Variants in SPTBN4 observed in about 807,000 individuals in gnomAD.
SPTBN4 encodes the protein spectrin beta, non-erythrocytic 4.
In SPTBN4, 96 loss-of-function variants were observed where a neutral mutation model predicts 277.8. The ratio of observed to expected loss-of-function variants is 0.35; its 90% CI spans 0.29 to 0.41. The LOEUF (loss-of-function observed/expected upper bound fraction) is 0.41, where lower values mean the gene tolerates loss of function less well. Ranked by LOEUF, SPTBN4 falls within the 10% of genes least tolerant of loss-of-function variation. The pLI is 1.00. For missense variants in SPTBN4, 3,006 were observed against 3,595.7 expected (o/e 0.84, Z 4.19); for synonymous variants, 1,481 against 1,580.3 (o/e 0.94, Z 1.49).
chr19:40,567,428 T>A lies in SPTBN4; in HGVS notation c.6337-235T>A, dbSNP rs980218889. Among the ~76,000 whole-genome samples, 2 of 152,090 alleles carry A rather than the reference T, an allele frequency of 1.3e-5. 1 individual carries two copies. The highest frequency in any genetic ancestry group is 1.3e-4 in the Admixed American group (2 of 15,258). ...ACGCAGAGCAATTGATTTACCCAATTTTTAAAAAAGTGATTTAGCCAATTC... is the reference window on the plus strand; with the variant it reads ...ACGCAGAGCAATTGATTTACCCAATATTTAAAAAAGTGATTTAGCCAATTC... On this transcript the variant is annotated intron_variant, in intron 30 of 35. Coordinates refer to ENST00000598249, the MANE Select transcript of SPTBN4 (RefSeq NM_020971.3).
intron 4 of SPTBN4, among the ~76,000 whole-genome samples, chr19:40,492,692 C>T (rs1039643796): frequency 6.6e-6 from 1 of 152,082 alleles, no homozygotes; most frequent in Admixed American, 6.6e-5. Context: ...AGGCAGGAGA[C>T]GGCAGTGCCT....
In SPTBN4 at chr19:40,502,839, G is replaced by C. The variant is rs773469412; in HGVS notation, c.1268G>C (p.Arg423Pro). ...GCTGCCCTACGGGCTGAGCTGATTC[G>C]GCAGGAGAAGCTGGAACTACTGGCA... Reference protein sequence around the residue: ...REAALRAELIRQEKLELLAQR... With the variant: ...REAALRAELIPQEKLELLAQR... The change falls in exon 11 of 36, where the codon CGG becomes CCG. Residue 423 changes from arginine to proline, a missense_variant. By Grantham distance (103) the Arg-to-Pro change is moderately radical. Transcript: ENST00000598249. This position sits in a 1 kb window ranked among gnomAD's most constrained non-coding sequence, Gnocchi z 4.9. 6.2e-7 allele frequency: 1 copy of C among 1,613,774 alleles called. No homozygotes were observed.
chr19:40,547,689 CTGT>C (rs1033647846), intron 20 of SPTBN4, among the ~76,000 whole-genome samples: 29 of 152,332 alleles, frequency 1.9e-4, no homozygotes, highest in African/African-American at 6.7e-4. Context: ...TCTCCAGCAT[CTGT>C]TGTTTCCTGA....
chr19:40,497,072 CAAAAAAAA>C, intron 6 of SPTBN4, among the ~76,000 whole-genome samples: 1 of 59,612 alleles, frequency 1.7e-5, no homozygotes. Context: ...GACTCCATCT[CAAAAAAAA>C]AAAAAAAAAA....
At chr19:40,574,115 CAAACAAAACAAAACA>C (rs139015416) in intron 35 of SPTBN4, among the ~76,000 whole-genome samples, 8 of 150,176 alleles carry the variant, frequency 5.3e-5, no homozygotes, top group Non-Finnish European at 7.4e-5. Context: ...ACAAAACAAA[CAAACAAAACAAAACA>C]AAACAAAACA....
chr19:40,483,955 ATCGCAAAGCTCT>A (rs141302776), intron 2 of SPTBN4, among the ~76,000 whole-genome samples: 5,365 of 152,230 alleles, frequency 0.035, 175 homozygotes, highest in African/African-American at 0.08. Flanking sequence ...CTGGGGGATC[ATCGCAAAGCTCT>A]TCGCAAAGCT....
At position 40,572,375 on chromosome 19, in the gene SPTBN4, G is replaced by T. The variant is rs767141004; in HGVS notation, c.7531G>T (p.Asp2511Tyr). 4 of 1,614,236 alleles carry T rather than the reference G, an allele frequency of 2.5e-6. No individual in the cohort carries two copies. The East Asian group carries it at 6.7e-5, about 27-fold the overall frequency. The stretch of plus-strand genomic sequence containing the variant: ...CAGTGAGTTTTTGCTCCAGGCAAAA[G>T]ATGAGGTGAGATCTGGTCCTTTCCT... The part of the protein sequence containing the change: ...DGSEFLLQAK[D>Y]EEEMNGWLEA... Residue 2511 changes from aspartate (D) to tyrosine (Y), a missense_variant, in exon 35 of 36, where the codon GAT (aspartate) becomes TAT (tyrosine). Around this residue, in one of 5 missense-constraint regions of SPTBN4, gnomAD observed 630 missense variants for 677.6 expected, o/e 0.93. Transcript: ENST00000598249.
rs773765627 is a variant in SPTBN4, at chr19:40,532,632, G to T, written c.3956G>T (p.Gly1319Val). The part of the protein sequence containing the change: ...HFLRDCHELD[G>V]WIHEKMLMAR... ...CTGCCCTGTTCTGCACAGCTGGATG[G>T]CTGGATCCATGAGAAGATGCTGATG... The change falls in exon 19 of 36, where the codon GGC becomes GTC. Residue 1319 changes from glycine (G) to valine (V), a missense_variant. Gly to Val is a moderately radical substitution (Grantham distance 109). This residue lies in a region of SPTBN4 where 1,759 missense variants were observed against 2,061.5 expected (regional missense o/e 0.85). Coordinates refer to ENST00000598249, the MANE Select transcript of SPTBN4 (RefSeq NM_020971.3). The T allele has an allele frequency of 2.2e-5, 36 of 1,613,066 alleles. No individual in the cohort carries two copies. Among genetic ancestry groups the T allele is most frequent in the Non-Finnish European group, 3.1e-5 (36 of 1,179,448 alleles).
At chr19:40,486,129 C>T (rs184748955) in intron 2 of SPTBN4, among the ~76,000 whole-genome samples, 1 of 151,754 alleles carries the variant, frequency 6.6e-6, no homozygotes, top group Non-Finnish European at 1.5e-5. Context: ...TGTCTCCACA[C>T]CAAATACAAA....
intron 2 of SPTBN4, 30 bp from the exon 3 acceptor site, chr19:40,487,667 C>T (rs2080087718): frequency 6.3e-7 from 1 of 1,591,156 alleles, no homozygotes; most frequent in African/African-American, 1.3e-5. Context: ...GGTGGAAGCG[C>T]CTGGGGGCTC....
rs1250841219 is a variant in SPTBN4, at chr19:40,497,302, C to T, written c.669-187C>T. 8.4e-6 allele frequency: 5 copies of T among 592,446 alleles called. No homozygotes were observed. The Admixed American group carries it at 1.4e-4, about 17-fold the overall frequency. 36.7% of individuals were successfully genotyped at this position (592,446 alleles called of 1,614,324 possible). ...ACACATTCCCGGGAACGCACAGAGACATGCCCGCGTCCATCACACTCACAT... is the reference window on the plus strand; with the variant it reads ...ACACATTCCCGGGAACGCACAGAGATATGCCCGCGTCCATCACACTCACAT... On this transcript the variant is annotated intron_variant, in intron 6 of 35. Coordinates refer to ENST00000598249, the MANE Select transcript of SPTBN4 (RefSeq NM_020971.3).
chr19:40,530,840 C>T (rs1599771358), intron 18 of SPTBN4: 1 of 151,866 alleles, frequency 6.6e-6, no homozygotes, highest in African/African-American at 2.4e-5. Flanking sequence ...GGGGGGACTT[C>T]TAAGACCACT....
At chr19:40,548,194 T>C (rs989798543) in intron 20 of SPTBN4, among the ~76,000 whole-genome samples, 1 of 152,214 alleles carries the variant, frequency 6.6e-6, no homozygotes, top group Non-Finnish European at 1.5e-5. Flanking sequence ...TTGTATTTAT[T>C]TTTGATAATT....
Position 40,560,873 on chromosome 19 carries a change from C to A in SPTBN4, c.5915+470C>A, listed in dbSNP as rs1366694302. On this transcript the variant is annotated intron_variant, in intron 27 of 35. Transcript: ENST00000598249. This position sits in a 1 kb window ranked among gnomAD's most constrained non-coding sequence, Gnocchi z 5.2. Reference sequence around the variant, plus strand: ...GCCAGGGTCCTTCCATCATGCCACCCTGGGAGTCACATGCTGGACCCTCTG... The same window carrying A: ...GCCAGGGTCCTTCCATCATGCCACCATGGGAGTCACATGCTGGACCCTCTG... 5.4e-6 allele frequency: 2 copies of A among 371,820 alleles called. No homozygotes were observed. Among genetic ancestry groups the A allele is most frequent in the African/African-American group, 2.2e-5 (1 of 46,342 alleles). 23.0% of individuals were successfully genotyped at this position (371,820 alleles called of 1,614,324 possible).
intron 14 of SPTBN4, among the ~76,000 whole-genome samples, chr19:40,514,229 T>C (rs2080428131): frequency 6.6e-6 from 1 of 152,198 alleles, no homozygotes; most frequent in Non-Finnish European, 1.5e-5. Flanking sequence ...TTCTAGGTCT[T>C]GTGCTGGGCA....
At chr19:40,572,422 A>G (rs1013682837) in intron 35 of SPTBN4, 42 bp downstream of exon 35, 3 of 1,612,302 alleles carry the variant, frequency 1.9e-6, no homozygotes, top group Non-Finnish European at 2.5e-6. Context: ...GACCTCAGTA[A>G]TGACCTGGCT....
intron 7 of SPTBN4, 124 bp from the exon 8 acceptor site, chr19:40,501,797 G>A: frequency 1.3e-6 from 1 of 761,720 alleles, no homozygotes; most frequent in Non-Finnish European, 2.2e-6. Context: ...GAACAGAGAG[G>A]TTAATTATCT....
In SPTBN4 at chr19:40,487,042, C is replaced by CT. The variant is rs555955126; in HGVS notation, c.170-643dup. 5.1e-3 allele frequency among the ~76,000 whole-genome samples: 708 copies of CT among 139,268 alleles called. 8 individuals carry two copies. Among genetic ancestry groups the CT allele is most frequent in the African/African-American group, 0.015 (511 of 34,694 alleles). The allele number at this position is 139,268 out of a possible 152,430, so 91.4% of individuals were successfully genotyped here. A position where few individuals can be genotyped will look rare whatever the true frequency, so the allele number is the denominator to read the frequency against. On this transcript the variant is annotated intron_variant, in intron 2 of 35. Coordinates refer to ENST00000598249, the MANE Select transcript of SPTBN4 (RefSeq NM_020971.3). Reference sequence around the variant, plus strand: ...GACATGACTGCTGAGGCTGGACTCTCTTTTTTTTTTTTGAGAAGGAGTCTT... The same window carrying CT: ...GACATGACTGCTGAGGCTGGACTCTCTTTTTTTTTTTTTGAGAAGGAGTCTT...
At chr19:40,504,615 G>A (rs1377174959) in intron 12 of SPTBN4, among the ~76,000 whole-genome samples, 4 of 151,734 alleles carry the variant, frequency 2.6e-5, no homozygotes, top group Admixed American at 2.0e-4. Context: ...CTTGCAGGGA[G>A]CCGAGATCCC....
Sources: allele counts gnomAD v4.1 joint callset (sites outside exome capture counted in the v4.1 genomes callset), GRCh38; gene constraint gnomAD v4.1.1; regional missense constraint gnomAD v4.1.1; non-coding constraint Gnocchi (gnomAD v3.1); transcripts MANE v1.5; gene names NCBI Gene and HGNC (gene_info 2026-07-23, HGNC 2026-07-21).